The following PDS5B variants were observed in gnomAD, a reference collection of about 807,000 sequenced individuals.
PDS5B encodes the protein sister chromatid cohesion protein PDS5 homolog B.
In PDS5B, 51 loss-of-function variants were observed where a neutral mutation model predicts 184.1. That is an observed-to-expected ratio of 0.28 (90% CI 0.22 to 0.35). The LOEUF is 0.35. PDS5B is among the 10% of genes least tolerant of loss of function. PDS5B has a pLI of 1.00. For missense variants in PDS5B, 1,180 were observed against 1,723.3 expected (o/e 0.68, Z 5.58); for synonymous variants, 566 against 569.2 (o/e 0.99, Z 0.08).
chr13:32,620,909 C>T (rs1295180582), intron 1 of PDS5B, among the ~76,000 whole-genome samples: 1 of 152,116 alleles, frequency 6.6e-6, no homozygotes, highest in African/African-American at 2.4e-5. Flanking sequence ...ATAAACCAAC[C>T]TTGCATTATT....
chr13:32,671,003 CT>C (rs1396973119), intron 7 of PDS5B, among the ~76,000 whole-genome samples: 4 of 152,144 alleles, frequency 2.6e-5, no homozygotes, highest in Non-Finnish European at 5.9e-5. Context: ...ATTAGCTACG[CT>C]TTTGTAAATG....
Position 32,639,026 on chromosome 13 carries a change from G to A in PDS5B, c.-19-9728G>A, listed in dbSNP as rs539614930. 3.3e-5 allele frequency among the ~76,000 whole-genome samples: 5 copies of A among 151,946 alleles called. No individual in the cohort carries two copies. The South Asian group carries it at 6.2e-4, about 19-fold the overall frequency. ...AGATTTGACGTGAATAGAAAAATTC[G>A]TAATTTTATCCACCCCCCCACCCCC... On this transcript the variant is annotated intron_variant, in intron 1 of 34. Coordinates refer to ENST00000315596, the MANE Select transcript of PDS5B (RefSeq NM_015032.4).
At chr13:32,690,007 T>G (rs566013150) in intron 13 of PDS5B, 1 of 152,060 alleles carries the variant, frequency 6.6e-6, no homozygotes, top group South Asian at 2.1e-4. Context: ...CAGTCCTACT[T>G]GAAAAAATTA....
At chr13:32,676,716 G>T (rs1951073835) in intron 9 of PDS5B, among the ~76,000 whole-genome samples, 1 of 152,092 alleles carries the variant, frequency 6.6e-6, no homozygotes, top group South Asian at 2.1e-4. Context: ...TGGATCACAA[G>T]GTCAGGAGAT....
chr13:32,694,959 T>C (rs1487525940), intron 14 of PDS5B, among the ~76,000 whole-genome samples: 3 of 151,826 alleles, frequency 2.0e-5, no homozygotes, highest in Non-Finnish European at 3.0e-5. Context: ...GAGTATTCTT[T>C]TTTCTTTTTC....
At chr13:32,741,056 T>G in intron 21 of PDS5B, 24 bp from the exon 22 acceptor site, 2 of 1,307,816 alleles carry the variant, frequency 1.5e-6, no homozygotes. Context: ...CCCTGGTTTT[T>G]TTTTTTTTCT....
At position 32,608,068 on chromosome 13, in the gene PDS5B, G is replaced by C. The variant is rs148595576; in HGVS notation, c.-20+21475G>C. Among the ~76,000 whole-genome samples the C allele has an allele frequency of 8.8e-3, 1,341 of 152,316 alleles. 15 individuals are homozygous for C. The highest frequency in any genetic ancestry group is 0.019 in the Admixed American group (288 of 15,306). ...TGCACCCACTGTCCGACAAGCCCCA[G>C]TGAGATGAACCCGGTACCTCAGTTG... On this transcript the variant is annotated intron_variant, in intron 1 of 34. Transcript: ENST00000315596.
intron 1 of PDS5B, among the ~76,000 whole-genome samples, chr13:32,635,456 G>A (rs1360152847): frequency 6.7e-6 from 1 of 149,850 alleles, no homozygotes; most frequent in African/African-American, 2.5e-5. Context: ...TGATTCTCCT[G>A]CCTCAGCCTC....
At chr13:32,739,104 T>C (rs1315055142) in intron 21 of PDS5B, among the ~76,000 whole-genome samples, 4 of 152,216 alleles carry the variant, frequency 2.6e-5, no homozygotes, top group Non-Finnish European at 5.9e-5. Context: ...TATGTTCTTC[T>C]AAAACTTTGA....
intron 30 of PDS5B, among the ~76,000 whole-genome samples, chr13:32,761,442 T>C (rs529379680): frequency 1.3e-5 from 2 of 152,256 alleles, no homozygotes; most frequent in South Asian, 2.1e-4. Context: ...TAGTACCCAA[T>C]AGGTCGTTTT....
chr13:32,744,204 A>G (rs926925532), intron 23 of PDS5B, among the ~76,000 whole-genome samples: 4 of 152,318 alleles, frequency 2.6e-5, no homozygotes, highest in Middle Eastern at 6.8e-3. Flanking sequence ...GAGGATAACA[A>G]TAGTATCTCC....
rs113121301 is a variant in PDS5B, at chr13:32,768,685, C to T, written c.3625-1436C>T. Among the ~76,000 whole-genome samples the T allele has an allele frequency of 6.0e-3, 907 of 150,864 alleles. 13 individuals are homozygous for T. The highest frequency in any genetic ancestry group is 0.021 in the African/African-American group (851 of 41,044). On this transcript the variant is annotated intron_variant, in intron 31 of 34. Coordinates refer to ENST00000315596, the MANE Select transcript of PDS5B (RefSeq NM_015032.4). ...GCACATGCCTCTAGTCCCAGCTACT[C>T]GGGAGGCTGAGGCAAGAGAATCGCT...
Position 32,686,606 on chromosome 13 carries a change from C to A in PDS5B, c.1204-528C>A, listed in dbSNP as rs186801264. On this transcript the variant is annotated intron_variant, in intron 11 of 34. Coordinates refer to ENST00000315596, the MANE Select transcript of PDS5B (RefSeq NM_015032.4). ...CGAGACCAGCCTGGGCAACATAGACCCTGTTTCTACAAAAAACAAAAATAA... is the reference window on the plus strand; with the variant it reads ...CGAGACCAGCCTGGGCAACATAGACACTGTTTCTACAAAAAACAAAAATAA... 6.8e-4 allele frequency among the ~76,000 whole-genome samples: 103 copies of A among 152,044 alleles called. 1 individual carries two copies. Among genetic ancestry groups the A allele is most frequent in the Admixed American group, 6.1e-3 (93 of 15,280 alleles).
At chr13:32,602,042 T>C (rs1392187809) in intron 1 of PDS5B, among the ~76,000 whole-genome samples, 2 of 132,992 alleles carry the variant, frequency 1.5e-5, no homozygotes, top group Non-Finnish European at 3.4e-5. Flanking sequence ...AGGAAGTGAA[T>C]GCATTCAAAA....
intron 9 of PDS5B, among the ~76,000 whole-genome samples, chr13:32,678,560 T>A (rs1162179745): frequency 6.6e-6 from 1 of 152,220 alleles, no homozygotes; most frequent in African/African-American, 2.4e-5. Context: ...GGAACTTTTT[T>A]ATCATTCTTA....
chr13:32,775,844 A>T lies in PDS5B; in HGVS notation c.*792A>T, dbSNP rs1187132043. 3 of 291,280 alleles carry T rather than the reference A, an allele frequency of 1.0e-5. No homozygotes were observed. Among genetic ancestry groups the T allele is most frequent in the Non-Finnish European group, 2.0e-5 (3 of 148,264 alleles). 18.0% of individuals were successfully genotyped at this position (291,280 alleles called of 1,614,324 possible). A position where few individuals can be genotyped will look rare whatever the true frequency, so the allele number is the denominator to read the frequency against. On this transcript the variant is annotated 3_prime_UTR_variant, in exon 35 of 35. Coordinates refer to ENST00000315596, the MANE Select transcript of PDS5B (RefSeq NM_015032.4). ...AATAATGTACTGAATTCTTTATCCC[A>T]TTTTATCATCCTTTCAGTTTTTATT... is the stretch of plus-strand genomic sequence containing the variant.
chr13:32,631,106 C>T (rs1440969163), intron 1 of PDS5B, among the ~76,000 whole-genome samples: 1 of 134,998 alleles, frequency 7.4e-6, no homozygotes, highest in Non-Finnish European at 1.6e-5. Flanking sequence ...TCTATTGATT[C>T]TTTTTTTCTT....
intron 6 of PDS5B, among the ~76,000 whole-genome samples, chr13:32,661,434 C>T (rs867651308): frequency 3.2e-5 from 4 of 126,248 alleles, no homozygotes; most frequent in Non-Finnish European, 3.6e-5. Flanking sequence ...AGAAAAATGA[C>T]CACCAAAATA....
At chr13:32,725,179 T>C (rs1952855696) in intron 19 of PDS5B, among the ~76,000 whole-genome samples, 1 of 152,230 alleles carries the variant, frequency 6.6e-6, no homozygotes, top group Non-Finnish European at 1.5e-5. Context: ...GCAGAATAAA[T>C]GCTTGATTTT....
Sources: gnomAD v4.1 joint callset for allele counts (sites outside exome capture counted in the v4.1 genomes callset) on GRCh38, gnomAD v4.1.1 for gene constraint, MANE v1.5 for transcripts, NCBI Gene and HGNC (gene_info 2026-07-23, HGNC 2026-07-21) for gene names.